The following KIF6 variants were observed in gnomAD, a reference collection of about 807,000 sequenced individuals.
KIF6 encodes the protein kinesin-like protein KIF6.
KIF6 carries 106 observed loss-of-function variants against 112.7 expected under a neutral mutation model. The observed-to-expected ratio is 0.94, with a 90% CI of 0.80 to 1.11. The LOEUF is 1.11. KIF6 is among the 50% of genes least tolerant of loss of function. The pLI is 0.00. For missense variants in KIF6, 929 were observed against 964.0 expected (o/e 0.96, Z 0.48); for synonymous variants, 339 against 339.9 (o/e 1.00, Z 0.03).
intron 7 of KIF6, among the ~76,000 whole-genome samples, chr6:39,594,283 G>A (rs558979341): frequency 6.6e-6 from 1 of 151,958 alleles, no homozygotes; most frequent in Non-Finnish European, 1.5e-5. Context: ...TGATTCAACT[G>A]ATGAACCTAA....
intron 3 of KIF6, among the ~76,000 whole-genome samples, chr6:39,652,126 G>A (rs889865321): frequency 3.3e-5 from 5 of 152,088 alleles, no homozygotes; most frequent in Non-Finnish European, 5.9e-5. Context: ...GAAGGGAATA[G>A]TGTTCACAAA....
chr6:39,520,021 C>T lies in KIF6; in HGVS notation c.1645+19982G>A, dbSNP rs74913722. On this transcript the variant is annotated intron_variant, in intron 13 of 22. Coordinates refer to ENST00000287152, the MANE Select transcript of KIF6 (RefSeq NM_145027.6). ...TGGGCAACAGAGTGAAACTCCATCTCGAACAAACAAATAAACAAACTAACA... is the reference window on the plus strand; with the variant it reads ...TGGGCAACAGAGTGAAACTCCATCTTGAACAAACAAATAAACAAACTAACA... 8.3e-4 allele frequency among the ~76,000 whole-genome samples: 127 copies of T among 152,182 alleles called. No homozygotes were observed. The East Asian group carries it at 0.02, about 24-fold the overall frequency.
intron 7 of KIF6, among the ~76,000 whole-genome samples, chr6:39,589,666 A>G (rs74325367): frequency 0.023 from 3,462 of 152,274 alleles, 133 homozygotes; most frequent in African/African-American, 0.079. Flanking sequence ...AAGGAGGAAC[A>G]TCAGATCTGC....
chr6:39,453,408 C>T (rs1018395850), intron 13 of KIF6, among the ~76,000 whole-genome samples: 1 of 152,200 alleles, frequency 6.6e-6, no homozygotes, highest in Admixed American at 6.5e-5. Flanking sequence ...ACAATAGCTG[C>T]CCATTCATCT....
At chr6:39,619,592 T>C (rs897505008) in intron 5 of KIF6, among the ~76,000 whole-genome samples, 3 of 152,140 alleles carry the variant, frequency 2.0e-5, no homozygotes, top group Non-Finnish European at 4.4e-5. Context: ...CTCGTATGCT[T>C]CAATATGCCA....
At chr6:39,688,242 G>A (rs975417154) in intron 3 of KIF6, among the ~76,000 whole-genome samples, 1 of 152,134 alleles carries the variant, frequency 6.6e-6, no homozygotes, top group African/African-American at 2.4e-5. Context: ...TGGGAGGCCA[G>A]AGGGCAGGAG....
intron 13 of KIF6, among the ~76,000 whole-genome samples, chr6:39,451,970 A>G (rs1018982436): frequency 6.6e-5 from 10 of 152,192 alleles, no homozygotes; most frequent in African/African-American, 2.4e-4. Flanking sequence ...TGAATCAGAT[A>G]CTACAAAGAC....
chr6:39,583,537 C>A, intron 9 of KIF6: 1 of 470,218 alleles, frequency 2.1e-6, no homozygotes, highest in South Asian at 1.6e-5. Context: ...CCTTCCCCCT[C>A]TGTCCTTCCA....
At chr6:39,577,469 C>T (rs1025709777) in intron 10 of KIF6, among the ~76,000 whole-genome samples, 43 of 152,256 alleles carry the variant, frequency 2.8e-4, no homozygotes, top group African/African-American at 7.7e-4. Context: ...AGAAAGCCCA[C>T]TGTGATCAGA....
intron 13 of KIF6, among the ~76,000 whole-genome samples, chr6:39,487,924 T>C (rs1000152013): frequency 5.9e-5 from 9 of 152,204 alleles, no homozygotes; most frequent in African/African-American, 1.9e-4. Context: ...ACCCTCAACA[T>C]TGGCCATTTG....
At chr6:39,476,404 A>G (rs769906004) in intron 13 of KIF6, among the ~76,000 whole-genome samples, 1 of 152,000 alleles carries the variant, frequency 6.6e-6, no homozygotes, top group Non-Finnish European at 1.5e-5. Context: ...AAACTAACAG[A>G]CAATCAAGCA....
chr6:39,491,699 A>C (rs1244875211), intron 13 of KIF6, among the ~76,000 whole-genome samples: 1 of 152,154 alleles, frequency 6.6e-6, no homozygotes, highest in Admixed American at 6.5e-5. Context: ...GTGTTAGCAG[A>C]AGCCTTGAGG....
At chr6:39,454,531 C>CAA (rs560119968) in intron 13 of KIF6, among the ~76,000 whole-genome samples, 2,053 of 75,936 alleles carry the variant, frequency 0.027, 63 homozygotes, top group African/African-American at 0.052. Flanking sequence ...CTGAGAGCAT[C>CAA]AAAAAAAAAA....
rs559705543 is a variant in KIF6, at chr6:39,342,081, C to T, written c.2428+1628G>A. Among the ~76,000 whole-genome samples the T allele has an allele frequency of 2.0e-5, 3 of 152,314 alleles. No homozygotes were observed. In the South Asian group the frequency reaches 6.2e-4, roughly 32 times the overall value. ...TTGGCCCTTGTGCTCTTGCTCCCTG[C>T]CCTCCAGCCACTCTAGCTTCCTTCC... On this transcript the variant is annotated intron_variant, in intron 22 of 22. Coordinates refer to ENST00000287152, the MANE Select transcript of KIF6 (RefSeq NM_145027.6). This position sits in a 1 kb window ranked among gnomAD's most constrained non-coding sequence, Gnocchi z 4.7.
intron 4 of KIF6, among the ~76,000 whole-genome samples, chr6:39,639,263 A>C (rs1784785928): frequency 1.3e-5 from 2 of 152,080 alleles, no homozygotes; most frequent in African/African-American, 4.8e-5. Context: ...TCAGTAGCTA[A>C]AAGAAAGATC....
At chr6:39,531,552 C>A (rs1322185063) in intron 13 of KIF6, among the ~76,000 whole-genome samples, 1 of 152,146 alleles carries the variant, frequency 6.6e-6, no homozygotes, top group African/African-American at 2.4e-5. Flanking sequence ...TATCATAAGC[C>A]ATGAGGTTCT....
chr6:39,688,025 C>A (rs577187045), intron 3 of KIF6, among the ~76,000 whole-genome samples: 1 of 152,272 alleles, frequency 6.6e-6, no homozygotes, highest in South Asian at 2.1e-4. Context: ...ATTTGTTAAC[C>A]CCCGTAGGCC....
At chr6:39,562,925 T>A (rs1780086113) in intron 10 of KIF6, among the ~76,000 whole-genome samples, 2 of 152,180 alleles carry the variant, frequency 1.3e-5, no homozygotes, top group Non-Finnish European at 2.9e-5. Context: ...GCATGTTCAT[T>A]GCAAAATGTA....
chr6:39,479,055 G>A (rs184472857), intron 13 of KIF6, among the ~76,000 whole-genome samples: 13 of 152,092 alleles, frequency 8.5e-5, no homozygotes, highest in Admixed American at 4.6e-4. Context: ...TGTGTTGTCC[G>A]TTTACTCTGT....
Sources: allele counts gnomAD v4.1 joint callset (sites outside exome capture counted in the v4.1 genomes callset), GRCh38; gene constraint gnomAD v4.1.1; non-coding constraint Gnocchi (gnomAD v3.1); transcripts MANE v1.5; gene names NCBI Gene and HGNC (gene_info 2026-07-23, HGNC 2026-07-21).